Variants in ZNF507 observed in about 807,000 individuals in gnomAD.
ZNF507 encodes zinc finger protein 507.
A neutral mutation model predicts 80.0 loss-of-function variants in ZNF507; 29 were observed. The observed-to-expected ratio is 0.36, with a 90% CI of 0.27 to 0.49. ZNF507 has a LOEUF of 0.49. ZNF507 is among the 20% of genes least tolerant of loss of function. The pLI is 0.98. For synonymous variants in ZNF507, 462 were observed against 422.5 expected (o/e 1.09, Z -1.15); for missense variants, 1,081 against 1,152.2 (o/e 0.94, Z 0.90).
rs1320629709 is a variant in ZNF507 at position 32,384,256 on chromosome 19, A to C, written c.*1173A>C. 1.3e-5 allele frequency: 2 copies of C among 152,244 alleles called. No homozygotes were observed. Among genetic ancestry groups the C allele is most frequent in the Non-Finnish European group, 2.9e-5 (2 of 68,042 alleles). The allele number at this position is 152,244 out of a possible 1,614,324, so 9.4% of individuals were successfully genotyped here. A position where few individuals can be genotyped will look rare whatever the true frequency, so the allele number is the denominator to read the frequency against. The stretch of plus-strand genomic sequence containing the variant: ...CTATCTGGAAATTCTATTTTGTTAG[A>C]GTGCGATAGGACATATGGAAAACCA... On this transcript the variant is annotated 3_prime_UTR_variant, in exon 7 of 7. Coordinates refer to ENST00000355898, the MANE Select transcript of ZNF507 (RefSeq NM_001136156.2).
At chr19:32,380,447 G>A (rs1967608936) in intron 5 of ZNF507, among the ~76,000 whole-genome samples, 1 of 152,186 alleles carries the variant, frequency 6.6e-6, no homozygotes, top group Non-Finnish European at 1.5e-5. Flanking sequence ...TCCTCAGAGT[G>A]TATGATAAAA....
rs1232296477 is a variant in ZNF507, at chr19:32,384,220, T to C, written c.*1137T>C. 1 of 152,224 alleles carries C rather than the reference T, an allele frequency of 6.6e-6. No homozygotes were observed. Among genetic ancestry groups the C allele is most frequent in the African/African-American group, 2.4e-5 (1 of 41,464 alleles). The allele number at this position is 152,224 out of a possible 1,614,324, so 9.4% of individuals were successfully genotyped here. On this transcript the variant is annotated 3_prime_UTR_variant, in exon 7 of 7. Transcript: ENST00000355898. ...TAACAAATAGCATTTGGCAAGTCTA[T>C]AGGATTCTTCCTATCTGGAAATTCT...
chr19:32,373,083 G>A (rs1967495936), intron 5 of ZNF507, among the ~76,000 whole-genome samples: 2 of 152,182 alleles, frequency 1.3e-5, no homozygotes, highest in African/African-American at 2.4e-5. Context: ...GGGCAATAAA[G>A]CTCCCCTAAA....
At position 32,365,630 on chromosome 19, in the gene ZNF507, A is replaced by G. The variant is rs202113692; in HGVS notation, c.2360+5012A>G. ...GTTTAGTTCAATATTGCACTGCTGG[A>G]CCTGCCCTGATTTACATCTCCCAGT... On this transcript the variant is annotated intron_variant, in intron 5 of 6. Coordinates refer to ENST00000355898, the MANE Select transcript of ZNF507 (RefSeq NM_001136156.2). Among the ~76,000 whole-genome samples, 6 of 129,740 alleles carry G rather than the reference A, an allele frequency of 4.6e-5. No individual in the cohort carries two copies. The East Asian group carries it at 3.0e-3, about 65-fold the overall frequency. 85.1% of individuals were successfully genotyped at this position (129,740 alleles called of 152,430 possible). A position where few individuals can be genotyped will look rare whatever the true frequency, so the allele number is the denominator to read the frequency against.
chr19:32,382,582 G>A lies in ZNF507; in HGVS notation c.2476G>A (p.Ala826Thr), dbSNP rs555315510. The stretch of plus-strand genomic sequence containing the variant: ...ACAAGTAAACAAGGCTATTAACGAC[G>A]CGATTTCACAAAGTGGCAGGTATTT... Reference protein sequence around the residue: ...YEQVNKAINDAISQSGRVLGK... With the variant: ...YEQVNKAINDTISQSGRVLGK... Residue 826 changes from alanine (A) to threonine (T), a missense_variant, in exon 6 of 7, where the codon GCG becomes ACG. This residue lies in a region of ZNF507 where 138 missense variants were observed against 158.4 expected (regional missense o/e 0.87). Transcript: ENST00000355898. 3.1e-6 allele frequency: 5 copies of A among 1,614,116 alleles called. No homozygotes were observed. The highest frequency in any genetic ancestry group is 1.6e-4 in the Middle Eastern group (1 of 6,062).
Position 32,353,379 on chromosome 19 carries a change from T to C in ZNF507, c.549T>C (p.Asn183=). 1.2e-6 allele frequency: 2 copies of C among 1,614,130 alleles called. No homozygotes were observed. The highest frequency in any genetic ancestry group is 1.7e-6 in the Non-Finnish European group (2 of 1,180,018). The part of the protein sequence containing the change: ...HVVNDHDNDA[N]IHTQSKAQQC... ...TGAATGACCATGACAATGATGCCAA[T>C]ATCCACACCCAATCCAAAGCCCAAC... The change falls in exon 3 of 7, where the codon AAT becomes AAC. Residue 183 remains asparagine, a synonymous_variant. Coordinates refer to ENST00000355898, the MANE Select transcript of ZNF507 (RefSeq NM_001136156.2).
rs1044691693 is a variant in ZNF507 at position 32,384,379 on chromosome 19, A to G, written c.*1296A>G. On this transcript the variant is annotated 3_prime_UTR_variant, in exon 7 of 7. Coordinates refer to ENST00000355898, the MANE Select transcript of ZNF507 (RefSeq NM_001136156.2). ...AATTATTTCAAGGAGTGAAGAAAAC[A>G]GGGTGTTTTTGTTTTTGTAGTTCTG... 5.9e-5 allele frequency: 9 copies of G among 152,196 alleles called. No individual in the cohort carries two copies. The highest frequency in any genetic ancestry group is 2.2e-4 in the African/African-American group (9 of 41,460). 9.4% of individuals were successfully genotyped at this position (152,196 alleles called of 1,614,324 possible).
In ZNF507 at chr19:32,382,298, T is replaced by G. The variant is rs1157260574; in HGVS notation, c.2361-169T>G. ...TCTAGGACTTCCATTCTAGGACCTC[T>G]CTGAAATCAGTGTACCTCTTAGAAT... On this transcript the variant is annotated intron_variant, in intron 5 of 6. Coordinates refer to ENST00000355898, the MANE Select transcript of ZNF507 (RefSeq NM_001136156.2). 6.5e-6 allele frequency: 5 copies of G among 768,708 alleles called. No individual in the cohort carries two copies. In the Admixed American group the frequency reaches 1.4e-4, roughly 22 times the overall value. 47.6% of individuals were successfully genotyped at this position (768,708 alleles called of 1,614,324 possible).
chr19:32,345,686 G>A lies in ZNF507; in HGVS notation c.-194G>A, dbSNP rs741445. ...AAACCGGGGGAAAAGAGGGAAAAGA[G>A]CCGGGAGAGAGGTGGGCAAGGACGA... is the stretch of plus-strand genomic sequence containing the variant. On this transcript the variant is annotated 5_prime_UTR_variant, in exon 1 of 7. Transcript: ENST00000355898. 1 of 152,448 alleles carries A rather than the reference G, an allele frequency of 6.6e-6. No individual in the cohort carries two copies. Among genetic ancestry groups the A allele is most frequent in the Non-Finnish European group, 1.5e-5 (1 of 68,398 alleles). The allele number at this position is 152,448 out of a possible 1,614,324, so 9.4% of individuals were successfully genotyped here. A position where few individuals can be genotyped will look rare whatever the true frequency, so the allele number is the denominator to read the frequency against.
chr19:32,369,762 G>A (rs184496540), intron 5 of ZNF507, among the ~76,000 whole-genome samples: 103 of 151,916 alleles, frequency 6.8e-4, no homozygotes, highest in Non-Finnish European at 1.0e-3. Context: ...GTACTTTTTT[G>A]TGGCAAAAGC....
In ZNF507 at chr19:32,385,001, C is replaced by T. The variant is rs974169640; in HGVS notation, c.*1918C>T. 4.0e-5 allele frequency: 6 copies of T among 151,878 alleles called. No individual in the cohort carries two copies. The highest frequency in any genetic ancestry group is 1.4e-4 in the African/African-American group (6 of 41,392). 9.4% of individuals were successfully genotyped at this position (151,878 alleles called of 1,614,324 possible). ...TATTATTACCCATACTGTTGCCACT[C>T]ATATTGTAAGTCAGTTTTTTCATTG... On this transcript the variant is annotated 3_prime_UTR_variant, in exon 7 of 7. Transcript: ENST00000355898.
chr19:32,363,205 C>CA (rs908186804), intron 5 of ZNF507, among the ~76,000 whole-genome samples: 1 of 152,180 alleles, frequency 6.6e-6, no homozygotes, highest in Admixed American at 6.5e-5. Flanking sequence ...CTTGGTTTCT[C>CA]AGAGTTCATG....
chr19:32,369,633 T>G (rs997146422), intron 5 of ZNF507, among the ~76,000 whole-genome samples: 5 of 152,194 alleles, frequency 3.3e-5, no homozygotes, highest in Non-Finnish European at 7.3e-5. Flanking sequence ...TTCTTTTTTT[T>G]TTGTTTTGTT....
chr19:32,362,282 C>T (rs972104587), intron 5 of ZNF507, among the ~76,000 whole-genome samples: 7 of 152,096 alleles, frequency 4.6e-5, no homozygotes, highest in African/African-American at 1.7e-4. Flanking sequence ...ACTAGTTTAC[C>T]TGATAGGAGG....
rs900807961 is a variant in ZNF507, at chr19:32,386,453, G to A, written c.*3370G>A. The A allele has an allele frequency of 5.9e-5, 9 of 152,628 alleles. No individual in the cohort carries two copies. Among genetic ancestry groups the A allele is most frequent in the Admixed American group, 5.2e-4 (8 of 15,284 alleles). 9.5% of individuals were successfully genotyped at this position (152,628 alleles called of 1,614,324 possible). On this transcript the variant is annotated 3_prime_UTR_variant, in exon 7 of 7. Transcript: ENST00000355898. Reference sequence around the variant, plus strand: ...TAAAATATATTTAATAGAAATTTGCGTTTGATATTCATGAACATGAATACA... The same window carrying A: ...TAAAATATATTTAATAGAAATTTGCATTTGATATTCATGAACATGAATACA...
intron 5 of ZNF507, among the ~76,000 whole-genome samples, chr19:32,361,673 CCTTCCTTTCCTTCCTTCCTT>C (rs1967325164): frequency 5.1e-5 from 1 of 19,476 alleles, no homozygotes; most frequent in South Asian, 1.1e-3. Context: ...TTTCTTCCTT[CCTTCCTTTCCTTCCTTCCTT>C]TCCTTCCTTT....
In ZNF507 at chr19:32,371,273, G is replaced by A. The variant is rs1320133609; in HGVS notation, c.2360+10655G>A. On this transcript the variant is annotated intron_variant, in intron 5 of 6. Coordinates refer to ENST00000355898, the MANE Select transcript of ZNF507 (RefSeq NM_001136156.2). Reference sequence around the variant, plus strand: ...GTGGATCACCTGAGGCCGATAGTTCGAGACCAGGCTGACCAACATGGAGAA... The same window carrying A: ...GTGGATCACCTGAGGCCGATAGTTCAAGACCAGGCTGACCAACATGGAGAA... Among the ~76,000 whole-genome samples, 3 of 152,104 alleles carry A rather than the reference G, an allele frequency of 2.0e-5. No homozygotes were observed. In the South Asian group the frequency reaches 6.2e-4, roughly 32 times the overall value.
chr19:32,372,043 T>C (rs567511939), intron 5 of ZNF507, among the ~76,000 whole-genome samples: 3 of 152,350 alleles, frequency 2.0e-5, no homozygotes, highest in Non-Finnish European at 2.9e-5. Context: ...TGTTATAGCA[T>C]TGTTTATAAT....
chr19:32,379,586 G>A (rs958097047), intron 5 of ZNF507, among the ~76,000 whole-genome samples: 2 of 152,098 alleles, frequency 1.3e-5, no homozygotes, highest in African/African-American at 2.4e-5. Flanking sequence ...GCAGGTATTC[G>A]TGAATAACTT....
Sources: allele counts gnomAD v4.1 joint callset (sites outside exome capture counted in the v4.1 genomes callset), GRCh38; gene constraint gnomAD v4.1.1; regional missense constraint gnomAD v4.1.1; transcripts MANE v1.5; gene names NCBI Gene and HGNC (gene_info 2026-07-23, HGNC 2026-07-21).